The following BTAF1 variants were observed in gnomAD, a reference collection of about 807,000 sequenced individuals.
BTAF1 encodes TATA-binding protein-associated factor 172.
Under a neutral mutation model 227.1 loss-of-function variants are expected in BTAF1, and 38 were observed. The observed-to-expected ratio is 0.17, with a 90% confidence interval of 0.13 to 0.22. The LOEUF is 0.22. Among genes scored for constraint, BTAF1 ranks in the 10% least tolerant of loss-of-function variants. BTAF1 has a pLI of 1.00. For missense variants in BTAF1, 1,598 were observed against 2,204.0 expected, an observed-to-expected ratio of 0.73 and a Z score of 5.51; for synonymous variants, 742 against 751.9, an observed-to-expected ratio of 0.99 and a Z score of 0.21.
Position 92,010,028 on chromosome 10 carries a change from G to A in BTAF1, c.4103+820G>A, listed in dbSNP as rs79684723. On this transcript the variant is annotated intron_variant, in intron 28 of 37. Transcript: ENST00000265990. ...TTTATCTTGAGCACTTACTGGCCAG[G>A]CACTATTCTAAGCAGCTTTTCTTTT... Among the ~76,000 whole-genome samples, 103 of 152,000 alleles carry A rather than the reference G, an allele frequency of 6.8e-4. 1 individual carries two copies. The East Asian group carries it at 7.1e-3, about 11-fold the overall frequency.
intron 16 of BTAF1, 21 bp downstream of exon 16, chr10:91,981,813 T>C (rs199963001): frequency 4.4e-6 from 7 of 1,593,372 alleles, no homozygotes; most frequent in Admixed American, 3.6e-5. Flanking sequence ...AGGGACATAG[T>C]GTATTTGTGT....
At chr10:91,964,606 T>G (rs143240397) in intron 13 of BTAF1, among the ~76,000 whole-genome samples, 13 of 152,306 alleles carry the variant, frequency 8.5e-5, no homozygotes, top group African/African-American at 2.4e-4. Context: ...TGAACTTTTT[T>G]TTTGTAATGT....
chr10:91,975,823 T>C (rs1218241021), intron 14 of BTAF1, among the ~76,000 whole-genome samples: 2 of 152,246 alleles, frequency 1.3e-5, no homozygotes, highest in Non-Finnish European at 2.9e-5. Context: ...ATGCCAAATC[T>C]GCCAGTTAGG....
intron 33 of BTAF1, among the ~76,000 whole-genome samples, 167 bp downstream of exon 33, chr10:92,016,632 T>C (rs991048977): frequency 3.3e-5 from 5 of 152,012 alleles, no homozygotes; most frequent in African/African-American, 9.7e-5. Flanking sequence ...TGCGCCACCA[T>C]GCCTGGATAA....
intron 11 of BTAF1, among the ~76,000 whole-genome samples, chr10:91,962,222 T>A (rs567876380): frequency 6.6e-6 from 1 of 152,314 alleles, no homozygotes; most frequent in Non-Finnish European, 1.5e-5. Flanking sequence ...TATTTATCAT[T>A]TTGTTAGTAG....
chr10:91,978,942 TTAA>T (rs1181781347), intron 14 of BTAF1, among the ~76,000 whole-genome samples: 1 of 150,504 alleles, frequency 6.6e-6, no homozygotes, highest in Non-Finnish European at 1.5e-5. Context: ...GTACTAAAGC[TTAA>T]TAACCAGTAG....
chr10:92,016,233 T>C, intron 32 of BTAF1, 107 bp from the exon 33 acceptor site: 1 of 1,337,008 alleles, frequency 7.5e-7, no homozygotes, highest in Non-Finnish European at 1.0e-6. Context: ...TTTTCATTAA[T>C]GAGGGCTGAT....
chr10:92,023,091 A>C (rs1323613191), intron 34 of BTAF1, among the ~76,000 whole-genome samples: 2 of 152,132 alleles, frequency 1.3e-5, no homozygotes, highest in Non-Finnish European at 2.9e-5. Flanking sequence ...CATGGATCAA[A>C]ATTCCAGACC....
At chr10:92,028,012 A>G (rs1283519153) in intron 37 of BTAF1, among the ~76,000 whole-genome samples, 1 of 152,218 alleles carries the variant, frequency 6.6e-6, no homozygotes, top group Non-Finnish European at 1.5e-5. Context: ...CATTTGAAAT[A>G]TGTCTAGTTT....
At chr10:91,930,274 G>A (rs1844184399) in intron 1 of BTAF1, among the ~76,000 whole-genome samples, 1 of 152,150 alleles carries the variant, frequency 6.6e-6, no homozygotes, top group African/African-American at 2.4e-5. Context: ...TAGGTTGTTC[G>A]ATCAGGGATG....
intron 30 of BTAF1, 113 bp from the exon 31 acceptor site, chr10:92,013,554 T>C (rs138649827): frequency 9.0e-5 from 122 of 1,350,504 alleles, no homozygotes; most frequent in Non-Finnish European, 1.2e-4. Context: ...TCTAAAAATA[T>C]AGTGATAATC....
rs1418226543 is a variant in BTAF1, at chr10:91,991,793, GTGTGTATATATATATA to G, written c.2855-324_2855-309del. Among the ~76,000 whole-genome samples the G allele has an allele frequency of 6.9e-3, 573 of 83,452 alleles. 4 individuals are homozygous for G. Among genetic ancestry groups the G allele is most frequent in the Middle Eastern group, 0.013 (2 of 156 alleles). 54.7% of individuals were successfully genotyped at this position (83,452 alleles called of 152,430 possible). ...TATATATATGTGTGTGTGTGTGTGT[GTGTGTATATATATATA>G]TATATATATATATATATATATATAC... On this transcript the variant is annotated intron_variant, in intron 20 of 37. Transcript: ENST00000265990.
chr10:92,009,171 C>T lies in BTAF1; in HGVS notation c.4066C>T (p.Pro1356Ser), dbSNP rs1331052778. The change falls in exon 28 of 38, where the codon CCG becomes TCG. Residue 1356 changes from proline to serine, a missense_variant. Around this residue, in one of 10 missense-constraint regions of BTAF1, gnomAD observed 184 missense variants for 341.1 expected, o/e 0.54. Transcript: ENST00000265990. ...ATTTTGCTCTAGAGAATATCTCAAC[C>T]CGTTGCATTACACTGGACCTCCCAC... The part of the protein sequence containing the change: ...GKFCSREYLN[P>S]LHYTGPPTER... 6.2e-7 allele frequency: 1 copy of T among 1,614,052 alleles called. No individual in the cohort carries two copies. Among genetic ancestry groups the T allele is most frequent in the South Asian group, 1.1e-5 (1 of 91,070 alleles).
chr10:92,002,880 C>G (rs531687552), intron 25 of BTAF1, among the ~76,000 whole-genome samples: 2 of 152,208 alleles, frequency 1.3e-5, no homozygotes, highest in African/African-American at 4.8e-5. Context: ...AAAAATGTGG[C>G]TGAGCATGGT....
chr10:91,975,454 G>A (rs1269586616), intron 14 of BTAF1, among the ~76,000 whole-genome samples: 1 of 152,214 alleles, frequency 6.6e-6, no homozygotes, highest in African/African-American at 2.4e-5. Context: ...ATATTTAGCT[G>A]ACCTTCAATA....
chr10:91,990,339 T>TC (rs1279724296), intron 20 of BTAF1, among the ~76,000 whole-genome samples: 3 of 152,022 alleles, frequency 2.0e-5, no homozygotes, highest in Admixed American at 6.6e-5. Context: ...GGGGTCATTC[T>TC]CCCCCCTCTT....
At chr10:91,956,761 G>A (rs992586425) in intron 7 of BTAF1, 104 bp downstream of exon 7, 35 of 1,280,276 alleles carry the variant, frequency 2.7e-5, no homozygotes, top group Non-Finnish European at 3.6e-5. Context: ...AGGTCGAGGC[G>A]GGCGTTATCA....
At chr10:92,014,612 C>T (rs1397518509) in intron 32 of BTAF1, among the ~76,000 whole-genome samples, 1 of 152,062 alleles carries the variant, frequency 6.6e-6, no homozygotes, top group Non-Finnish European at 1.5e-5. Context: ...TTATAAAGGC[C>T]AAAAATCTGC....
intron 34 of BTAF1, among the ~76,000 whole-genome samples, chr10:92,022,166 T>C (rs990118220): frequency 1.3e-5 from 2 of 152,172 alleles, no homozygotes; most frequent in Non-Finnish European, 2.9e-5. Context: ...ACAGAGATAC[T>C]TACGTCAAAT....
Sources: gnomAD v4.1 joint callset for allele counts (sites outside exome capture counted in the v4.1 genomes callset) on GRCh38, gnomAD v4.1.1 for gene constraint, gnomAD v4.1.1 regional missense constraint, MANE v1.5 for transcripts, NCBI Gene and HGNC (gene_info 2026-07-23, HGNC 2026-07-21) for gene names.